The following GGA2 variants were observed in gnomAD, a reference collection of about 807,000 sequenced individuals.
GGA2 encodes ADP-ribosylation factor-binding protein GGA2.
GGA2 carries 48 observed loss-of-function variants against 79.5 expected under a neutral mutation model. The observed-to-expected ratio is 0.60, with a 90% CI of 0.48 to 0.77. The LOEUF is 0.77. GGA2 is among the 30% of genes least tolerant of loss of function. GGA2 has a pLI of 0.00. For missense variants in GGA2, 770 were observed against 774.0 expected (o/e 0.99, Z 0.06); for synonymous variants, 317 against 302.0 (o/e 1.05, Z -0.51).
rs565813286 is a variant in GGA2, at chr16:23,519,009, A to C, written c.61+578T>G. Among the ~76,000 whole-genome samples, 245 of 151,558 alleles carry C rather than the reference A, an allele frequency of 1.6e-3. 1 individual carries two copies. Among genetic ancestry groups the C allele is most frequent in the South Asian group, 8.8e-3 (42 of 4,770 alleles). On this transcript the variant is annotated intron_variant, in intron 2 of 5. Coordinates refer to the GGA2 transcript ENST00000569300. ...TATGAATGGGATTCCAAATTTGGCTATAAAAATGTAATTTTCTAGAACGGA... is the reference window on the plus strand; with the variant it reads ...TATGAATGGGATTCCAAATTTGGCTCTAAAAATGTAATTTTCTAGAACGGA...
chr16:23,493,724 T>A (rs1964819412), intron 3 of GGA2: 1 of 423,864 alleles, frequency 2.4e-6, no homozygotes, highest in Non-Finnish European at 4.3e-6. Context: ...CCCCACCTTT[T>A]AAGGAGACCC....
intron 1 of GGA2, among the ~76,000 whole-genome samples, chr16:23,508,803 T>C (rs768223728): frequency 5.9e-5 from 9 of 152,158 alleles, no homozygotes; most frequent in Non-Finnish European, 1.3e-4. Flanking sequence ...TTTTTGACTA[T>C]GCCACAAGCA....
At chr16:23,483,943 G>A (rs112194524) in intron 8 of GGA2, among the ~76,000 whole-genome samples, 410 of 148,706 alleles carry the variant, frequency 2.8e-3, no homozygotes, top group African/African-American at 9.5e-3. Flanking sequence ...CACTGCGCCC[G>A]GCTGGGCTGT....
At chr16:23,484,424 C>T (rs1032139759) in intron 8 of GGA2, among the ~76,000 whole-genome samples, 1 of 151,888 alleles carries the variant, frequency 6.6e-6, no homozygotes, top group Non-Finnish European at 1.5e-5. Flanking sequence ...TCTCAAAAAA[C>T]AAAACAAAAC....
At chr16:23,478,675 C>T in intron 12 of GGA2, 174 bp from the exon 13 acceptor site, 1 of 754,962 alleles carries the variant, frequency 1.3e-6, no homozygotes, top group Non-Finnish European at 2.3e-6. Flanking sequence ...CCTGGGCAGA[C>T]CTCCAGGAAG....
intron 6 of GGA2, 76 bp from the exon 7 acceptor site, chr16:23,486,866 G>T (rs915604597): frequency 1.2e-6 from 1 of 848,386 alleles, no homozygotes; most frequent in Admixed American, 1.7e-5. Context: ...AGCAACAGAA[G>T]AGTTAACACT....
chr16:23,518,147 A>G (rs1468184538), intron 2 of GGA2, among the ~76,000 whole-genome samples: 2 of 148,172 alleles, frequency 1.3e-5, no homozygotes, highest in Non-Finnish European at 3.0e-5. Context: ...TCCTGACCTC[A>G]TGATCCACCT....
rs890128747 is a variant in GGA2, at chr16:23,510,306, T to C, written c.91+15A>G. 2 of 1,417,284 alleles carry C rather than the reference T, an allele frequency of 1.4e-6. No homozygotes were observed. The highest frequency in any genetic ancestry group is 1.4e-5 in the South Asian group (1 of 73,056). 87.8% of individuals were successfully genotyped at this position (1,417,284 alleles called of 1,614,324 possible). ...CGGCGCAGCGGCTGCGCCGAAGGCC[T>C]GCCAGGCTACTCACTGAGCCACAGC... is the stretch of plus-strand genomic sequence containing the variant. On this transcript the variant is annotated intron_variant, in intron 1 of 16. Coordinates refer to ENST00000309859, the MANE Select transcript of GGA2 (RefSeq NM_015044.4).
intron 9 of GGA2, among the ~76,000 whole-genome samples, chr16:23,481,887 ATT>A (rs112980836): frequency 6.7e-6 from 1 of 148,678 alleles, no homozygotes; most frequent in African/African-American, 2.5e-5. Context: ...ATTTAGAACA[ATT>A]TTTTTTTTTT....
At chr16:23,472,064 A>G (rs1964517577) in intron 14 of GGA2, among the ~76,000 whole-genome samples, 1 of 152,080 alleles carries the variant, frequency 6.6e-6, no homozygotes. Context: ...AAAATTTTAA[A>G]TGTCTACATG....
intron 1 of GGA2, among the ~76,000 whole-genome samples, chr16:23,508,250 G>A (rs1964995866): frequency 6.6e-6 from 1 of 151,972 alleles, no homozygotes; most frequent in African/African-American, 2.4e-5. Context: ...TATTTTAGTA[G>A]AGACGGGGTT....
At chr16:23,480,523 A>G in intron 10 of GGA2, 122 bp downstream of exon 10, 1 of 824,956 alleles carries the variant, frequency 1.2e-6, no homozygotes. Context: ...CAGGAAGGGG[A>G]ACAAAGGGCG....
intron 2 of GGA2, among the ~76,000 whole-genome samples, chr16:23,518,891 ATTCTT>A (rs1185487814): frequency 6.6e-6 from 1 of 152,216 alleles, no homozygotes; most frequent in Non-Finnish European, 1.5e-5. Context: ...ATAATCTCAT[ATTCTT>A]TTGAGTAAGA....
At chr16:23,512,481 A>C (rs1435648415), upstream of GGA2, among the ~76,000 whole-genome samples, 1 of 152,144 alleles carries the variant, frequency 6.6e-6, no homozygotes, top group Non-Finnish European at 1.5e-5. Context: ...CAGAAGCACA[A>C]ATTCTTCCTT....
At chr16:23,467,824 G>C in intron 16 of GGA2, 124 bp from the exon 17 acceptor site, 1 of 668,262 alleles carries the variant, frequency 1.5e-6, no homozygotes, top group East Asian at 2.7e-5. Context: ...CTCTCTTTGG[G>C]ACTACAAACA....
intron 13 of GGA2, among the ~76,000 whole-genome samples, chr16:23,477,238 T>C (rs1281321704): frequency 6.6e-6 from 1 of 152,116 alleles, no homozygotes; most frequent in Non-Finnish European, 1.5e-5. Context: ...AGGTATGATA[T>C]GGTTTGGCTG....
chr16:23,491,932 G>C (rs1964794169), intron 4 of GGA2, 132 bp from the exon 5 acceptor site: 11 of 582,590 alleles, frequency 1.9e-5, no homozygotes, highest in Non-Finnish European at 3.3e-5. Context: ...GGAGAGACTA[G>C]AGGCCACACC....
intron 7 of GGA2, 126 bp downstream of exon 7, chr16:23,486,584 C>CA: frequency 1.4e-6 from 1 of 740,330 alleles, no homozygotes; most frequent in East Asian, 2.5e-5. Flanking sequence ...CCCCAGAGTT[C>CA]AGGGCTAGGA....
intron 1 of GGA2, among the ~76,000 whole-genome samples, chr16:23,520,111 C>T (rs910843395): frequency 2.4e-4 from 37 of 151,730 alleles, no homozygotes; most frequent in Admixed American, 6.6e-5. Context: ...CTGGCTATGG[C>T]GGCACATGGC....
Sources: gnomAD v4.1 joint callset for allele counts (sites outside exome capture counted in the v4.1 genomes callset) on GRCh38, gnomAD v4.1.1 for gene constraint, MANE v1.5 for transcripts, NCBI Gene and HGNC (gene_info 2026-07-23, HGNC 2026-07-21) for gene names.